FBN1: variants seen among roughly 807,000 people sequenced by gnomAD.
FBN1 encodes fibrillin-1.
In FBN1, 29 loss-of-function variants were observed where a neutral mutation model predicts 365.1. The ratio of observed to expected loss-of-function variants is 0.08; its 90% CI spans 0.06 to 0.11. The LOEUF is 0.11. FBN1 is among the 10% of genes least tolerant of loss of function. The probability of loss-of-function intolerance (pLI) is 1.00; values close to 1 mark genes in which losing one functional copy is unlikely to be tolerated. For missense variants in FBN1, 2,476 were observed against 3,703.2 expected (o/e 0.67, Z 8.60); for synonymous variants, 1,210 against 1,270.5 (o/e 0.95, Z 1.01).
intron 17 of FBN1, among the ~76,000 whole-genome samples, chr15:48,499,336 T>A (rs967012482): frequency 1.3e-5 from 2 of 152,244 alleles, no homozygotes; most frequent in Admixed American, 1.3e-4. Context: ...GGGAACACTT[T>A]ACACTTACGG....
At chr15:48,522,269 TATTA>T (rs1275344161) in intron 9 of FBN1, among the ~76,000 whole-genome samples, 14 of 152,256 alleles carry the variant, frequency 9.2e-5, no homozygotes, top group South Asian at 6.2e-4. Flanking sequence ...TATTAACTTG[TATTA>T]ATTAATTTAA....
chr15:48,532,418 ATATG>A (rs768487774), intron 8 of FBN1, among the ~76,000 whole-genome samples: 5 of 152,012 alleles, frequency 3.3e-5, no homozygotes, highest in Admixed American at 6.6e-5. Context: ...TGTCATATAT[ATATG>A]TGTGTGTGTA....
At position 48,644,671 on chromosome 15, in the gene FBN1, G is replaced by C; in HGVS notation, c.99C>G (p.Asn33Lys). The change falls in exon 2 of 66, where the codon AAC (asparagine) becomes AAG (lysine). Residue 33 changes from asparagine to lysine, a missense_variant. Physicochemically the swap from Asn to Lys is moderately conservative, Grantham distance 94. Transcript: ENST00000316623. The stretch of plus-strand genomic sequence containing the variant: ...CCCGACTGGCTCTGGTTTCCTTCAC[G>C]TTCCCAGCCTCCAAATTGGCGTCCG... ...HGADANLEAG[N>K]VKETRASRAK... The C allele has an allele frequency of 1.2e-6, 2 of 1,613,656 alleles. No homozygotes were observed. Among genetic ancestry groups the C allele is most frequent in the Non-Finnish European group, 1.7e-6 (2 of 1,179,994 alleles).
chr15:48,513,422 C>CA, intron 13 of FBN1, 127 bp downstream of exon 13: 1 of 1,379,568 alleles, frequency 7.2e-7, no homozygotes, highest in Non-Finnish European at 1.0e-6. Context: ...GAACTAAGTT[C>CA]AAAAAAGCCA....
At chr15:48,411,444 GA>G in intron 65 of FBN1, 65 bp from the exon 66 acceptor site, 5 of 1,473,124 alleles carry the variant, frequency 3.4e-6, no homozygotes, top group Non-Finnish European at 3.8e-6. Context: ...TCATATTAAA[GA>G]AAAAATGACT....
At chr15:48,555,763 C>T (rs1308430721) in intron 6 of FBN1, among the ~76,000 whole-genome samples, 2 of 152,096 alleles carry the variant, frequency 1.3e-5, no homozygotes, top group African/African-American at 2.4e-5. Context: ...CTCTTGCTTC[C>T]CCTGGGCCAC....
At chr15:48,532,817 G>C (rs2065719945) in intron 8 of FBN1, among the ~76,000 whole-genome samples, 1 of 152,048 alleles carries the variant, frequency 6.6e-6, no homozygotes, top group African/African-American at 2.4e-5. Context: ...CAACTTTATT[G>C]TTCTTTGAAA....
chr15:48,495,033 G>A, intron 22 of FBN1, 90 bp downstream of exon 22: 3 of 1,502,336 alleles, frequency 2.0e-6, no homozygotes, highest in Non-Finnish European at 1.8e-6. Context: ...AAATTCTCAT[G>A]TGAGCCTAGA....
chr15:48,448,864 T>C lies in FBN1; in HGVS notation c.5575A>G (p.Ile1859Val). ...DRNECQEIPN[I>V]CSHGQCIDTV... ...TCAATGCACTGCCCATGACTGCATA[T>C]ATTGGGGATTTCTTGACATTCATTA... Residue 1859 changes from isoleucine to valine, a missense_variant, in exon 46 of 66, where the codon ATA (isoleucine) becomes GTA (valine). This residue lies in a region of FBN1 where 1,780 missense variants were observed against 2,840.8 expected (regional missense o/e 0.63). Transcript: ENST00000316623. 6.2e-7 allele frequency: 1 copy of C among 1,612,258 alleles called. No individual in the cohort carries two copies. Among genetic ancestry groups the C allele is most frequent in the Non-Finnish European group, 8.5e-7 (1 of 1,178,630 alleles).
intron 10 of FBN1, among the ~76,000 whole-genome samples, chr15:48,519,526 C>CAGA (rs2043833305): frequency 6.6e-6 from 1 of 152,130 alleles, no homozygotes; most frequent in Admixed American, 6.5e-5. Context: ...TAGTACCAGC[C>CAGA]AGAACCACAG....
At chr15:48,452,437 T>A (rs1597537554) in intron 45 of FBN1, 125 bp downstream of exon 45, 1 of 1,133,452 alleles carries the variant, frequency 8.8e-7, no homozygotes, top group East Asian at 2.4e-5. Context: ...ATATTAGAGT[T>A]CATCAATCTA....
chr15:48,534,306 A>G (rs566261382), intron 7 of FBN1, 101 bp from the exon 8 acceptor site: 5 of 1,238,110 alleles, frequency 4.0e-6, no homozygotes, highest in East Asian at 2.4e-5. Context: ...TACCATATTT[A>G]TATCGGTGAG....
chr15:48,422,151 T>C, intron 60 of FBN1, 83 bp from the exon 61 acceptor site: 1 of 942,616 alleles, frequency 1.1e-6, no homozygotes, highest in Non-Finnish European at 1.7e-6. Flanking sequence ...CAGCTCCACG[T>C]TTGATTTGGA....
At chr15:48,526,947 C>T (rs543622126) in intron 8 of FBN1, among the ~76,000 whole-genome samples, 6 of 152,306 alleles carry the variant, frequency 3.9e-5, no homozygotes, top group African/African-American at 1.2e-4. Flanking sequence ...CCACCTCGCC[C>T]GAGGTCACAC....
At position 48,472,559 on chromosome 15, in the gene FBN1, G is replaced by C. The variant is rs560230585; in HGVS notation, c.4328C>G (p.Ala1443Gly). 1 of 1,613,784 alleles carries C rather than the reference G, an allele frequency of 6.2e-7. No individual in the cohort carries two copies. The highest frequency in any genetic ancestry group is 1.3e-5 in the African/African-American group (1 of 74,942). Residue 1443 changes from alanine to glycine, a missense_variant, in exon 35 of 66, where the codon GCC becomes GGC. Ala to Gly is a moderately conservative substitution (Grantham distance 60, BLOSUM62 0). Coordinates refer to ENST00000316623, the MANE Select transcript of FBN1 (RefSeq NM_000138.5). The part of the protein sequence containing the change: ...MGFVPSADGK[A>G]CEDIDECSLP... Reference sequence around the variant, plus strand: ...GCTTCCCCATCAGTTACCTTCACAGGCTTTCCCGTCAGCACTGGGCACGAA... The same window carrying C: ...GCTTCCCCATCAGTTACCTTCACAGCCTTTCCCGTCAGCACTGGGCACGAA...
intron 50 of FBN1, among the ~76,000 whole-genome samples, chr15:48,440,000 C>T (rs1453904063): frequency 1.3e-5 from 2 of 152,200 alleles, no homozygotes; most frequent in Non-Finnish European, 2.9e-5. Context: ...TGTCATCTTA[C>T]AAGAAAAACC....
intron 2 of FBN1, among the ~76,000 whole-genome samples, chr15:48,634,856 ACC>A (rs780379826): frequency 0.022 from 1,875 of 86,056 alleles, 174 homozygotes; most frequent in African/African-American, 0.14. Flanking sequence ...AAAAAAAAAA[ACC>A]ACACACACAC....
intron 6 of FBN1, among the ~76,000 whole-genome samples, chr15:48,544,362 A>C (rs1398718833): frequency 1.3e-5 from 2 of 152,216 alleles, no homozygotes; most frequent in Non-Finnish European, 2.9e-5. Context: ...CAAAATGTTT[A>C]CCTTTAACAA....
At chr15:48,569,090 A>C (rs11854943) in intron 6 of FBN1, among the ~76,000 whole-genome samples, 19,748 of 152,068 alleles carry the variant, frequency 0.13, 1,351 homozygotes, top group Non-Finnish European at 0.15. Context: ...CCAATATCTG[A>C]TAAAGAACTT....
Sources: gnomAD v4.1 joint callset for allele counts (sites outside exome capture counted in the v4.1 genomes callset) on GRCh38, gnomAD v4.1.1 for gene constraint, gnomAD v4.1.1 regional missense constraint, MANE v1.5 for transcripts, NCBI Gene and HGNC (gene_info 2026-07-23, HGNC 2026-07-21) for gene names.